Variants in CRTC2 observed in about 807,000 individuals in gnomAD.
The protein encoded by CRTC2 is CREB regulated transcription coactivator 2.
In CRTC2, 25 loss-of-function variants were observed where a neutral mutation model predicts 70.9. The observed-to-expected ratio is 0.35, with a 90% confidence interval of 0.26 to 0.49. The LOEUF (loss-of-function observed/expected upper bound fraction) is 0.49, where lower values mean the gene tolerates loss of function less well. Among genes scored for constraint, CRTC2 ranks in the 20% least tolerant of loss-of-function variants. CRTC2 has a pLI of 0.98. For missense variants in CRTC2, 737 were observed against 882.6 expected, an observed-to-expected ratio of 0.83 and a Z score of 2.09; for synonymous variants, 330 against 364.1, an observed-to-expected ratio of 0.91 and a Z score of 1.07.
rs778354654 is a variant in CRTC2, at chr1:153,958,548, CGCCGCGGCCTCG to C, written c.-63_-52del. 59 of 1,507,186 alleles carry C rather than the reference CGCCGCGGCCTCG, an allele frequency of 3.9e-5. No homozygotes were observed. The highest frequency in any genetic ancestry group is 2.5e-4 in the Admixed American group (12 of 47,598). 93.4% of individuals were successfully genotyped at this position (1,507,186 alleles called of 1,614,324 possible). Reference sequence around the variant, plus strand: ...CCCTCCCAGTACCAGCCGCGGCCTCCGCCGCGGCCTCGGCCCGGCTCCTCCAGCCGTAGCCAC... The same window carrying C: ...CCCTCCCAGTACCAGCCGCGGCCTCCGCCCGGCTCCTCCAGCCGTAGCCAC... On this transcript the variant is annotated 5_prime_UTR_variant, in exon 1 of 14. Transcript: ENST00000368633.
intron 1 of CRTC2, among the ~76,000 whole-genome samples, chr1:153,957,791 A>G (rs1020866718): frequency 3.3e-5 from 5 of 152,200 alleles, no homozygotes; most frequent in Admixed American, 3.3e-4. Flanking sequence ...AACCACAAGA[A>G]GTATTTGAAA....
Position 153,948,017 on chromosome 1 carries a change from CAG to C in CRTC2, c.*90_*91del. 8.3e-7 allele frequency: 1 copy of C among 1,204,470 alleles called. No individual in the cohort carries two copies. The highest frequency in any genetic ancestry group is 1.3e-5 in the South Asian group (1 of 78,182). 74.6% of individuals were successfully genotyped at this position (1,204,470 alleles called of 1,614,324 possible). On this transcript the variant is annotated 3_prime_UTR_variant, in exon 14 of 14. Coordinates refer to ENST00000368633, the MANE Select transcript of CRTC2 (RefSeq NM_181715.3). ...TCATGCTAGAAAGAGGATCTGGGGA[CAG>C]AGAGTAGAGTCTCTACCTGCCAGGG... is the stretch of plus-strand genomic sequence containing the variant.
Position 153,954,275 on chromosome 1 carries a change from G to A in CRTC2, c.414C>T (p.Pro138=), listed in dbSNP as rs760873456. The A allele has an allele frequency of 2.5e-6, 4 of 1,612,708 alleles. No individual in the cohort carries two copies. The Admixed American group carries it at 6.7e-5, about 27-fold the overall frequency. Residue 138 remains proline, a synonymous_variant, in exon 4 of 14, where the codon CCC becomes CCT. Coordinates refer to ENST00000368633, the MANE Select transcript of CRTC2 (RefSeq NM_181715.3). ...SPYSPAYLSP[P]PESSWRRTMA... is the part of the protein sequence containing the mutation. ...CTTACCTTCGCCAGCTAGACTCTGG[G>A]GGAGGAGATAAGTAGGCAGGACTAT...
chr1:153,953,461 A>T, intron 5 of CRTC2, 77 bp downstream of exon 5: 1 of 1,530,878 alleles, frequency 6.5e-7, no homozygotes, highest in South Asian at 1.1e-5. Flanking sequence ...CTGGTCTGGA[A>T]CAGGGTGGGG....
intron 4 of CRTC2, 137 bp downstream of exon 4, chr1:153,954,118 T>C (rs896789903): frequency 4.3e-6 from 3 of 700,022 alleles, no homozygotes; most frequent in Non-Finnish European, 7.7e-6. Context: ...TCTCCACCTC[T>C]CTCAGCCCTG....
rs764421849 is a variant in CRTC2 at position 153,952,148 on chromosome 1, G to T, written c.867C>A (p.Thr289=). 1.9e-6 allele frequency: 3 copies of T among 1,614,102 alleles called. No homozygotes were observed. Among genetic ancestry groups the T allele is most frequent in the South Asian group, 1.1e-5 (1 of 91,084 alleles). Residue 289 remains threonine, a synonymous_variant, in exon 10 of 14, where the codon ACC becomes ACA. Transcript: ENST00000368633. ...TNLHFPPPLP[T]PLDPEETAYP... ...AGGCTGTCTCTTCAGGGTCCAGGGG[G>T]GTGGGCAGTGGTGGGGGAAAGTGCA...
At position 153,947,852 on chromosome 1, in the gene CRTC2, G is replaced by GCT. The variant is rs1234803335; in HGVS notation, c.*255_*256dup. 2 of 533,570 alleles carry GCT rather than the reference G, an allele frequency of 3.7e-6. No individual in the cohort carries two copies. The highest frequency in any genetic ancestry group is 3.8e-5 in the African/African-American group (2 of 52,436). 33.1% of individuals were successfully genotyped at this position (533,570 alleles called of 1,614,324 possible). On this transcript the variant is annotated 3_prime_UTR_variant, in exon 14 of 14. Transcript: ENST00000368633. ...CCCCTCTACCCCTGCTTTCCAACAG[G>GCT]CTCTGACCTCCAGACAGACGGTTCA... is the stretch of plus-strand genomic sequence containing the variant.
At chr1:153,954,350 G>C in intron 3 of CRTC2, 34 bp from the exon 4 acceptor site, 1 of 1,513,576 alleles carries the variant, frequency 6.6e-7, no homozygotes, top group East Asian at 2.3e-5. Context: ...AAAGTAGAGA[G>C]GACAGATGAG....
chr1:153,952,823 C>T lies in CRTC2; in HGVS notation c.619G>A (p.Gly207Ser). ...LPSRRGGILD[G>S]EMDPKVPAIE... ...CACATACCTTTGGGGTCCATTTCAC[C>T]ATCCAGAATACCTGCAAGGGATACA... Residue 207 changes from glycine to serine, a missense_variant, in exon 7 of 14, where the codon GGT (glycine) becomes AGT (serine). Transcript: ENST00000368633. 6.2e-7 allele frequency: 1 copy of T among 1,614,220 alleles called. No homozygotes were observed. The highest frequency in any genetic ancestry group is 8.5e-7 in the Non-Finnish European group (1 of 1,180,038).
intron 10 of CRTC2, 161 bp from the exon 11 acceptor site, chr1:153,951,827 CTCT>C (rs1437774013): frequency 3.7e-6 from 4 of 1,067,120 alleles, no homozygotes; most frequent in Non-Finnish European, 2.7e-6. Flanking sequence ...ACTGCCCTTC[CTCT>C]TCTTTCTAGG....
rs1263051067 is a variant in CRTC2, at chr1:153,952,627, T to C, written c.646A>G (p.Ile216Val). ...DGEMDPKVPAIEENLLDDKHL... is the reference protein window; with the variant it reads ...DGEMDPKVPAVEENLLDDKHL... ...TTGTCATCTAGCAAGTTCTCCTCAA[T>C]AGCAGGTACTTGAAAGAGAAAGACT... Residue 216 changes from isoleucine (I) to valine (V), a missense_variant, in exon 8 of 14, where the codon ATT becomes GTT. Ile to Val is a conservative substitution (Grantham distance 29, BLOSUM62 3). Transcript: ENST00000368633. The C allele has an allele frequency of 8.7e-6, 14 of 1,614,142 alleles. No individual in the cohort carries two copies. Among genetic ancestry groups the C allele is most frequent in the African/African-American group, 1.3e-5 (1 of 75,026 alleles).
chr1:153,955,235 C>T (rs1305384351), intron 1 of CRTC2, 69 bp from the exon 2 acceptor site: 2 of 1,173,360 alleles, frequency 1.7e-6, no homozygotes, highest in Non-Finnish European at 2.5e-6. Flanking sequence ...CCATCCTTGC[C>T]ATCTCTGTCA....
rs143017611 is a variant in CRTC2, at chr1:153,949,187, C to T, written c.1602G>A (p.Pro534=). Reference sequence around the variant, plus strand: ...CATGCCCACTGGGCCCAGGTGGGTACGGTGTCCCATAATGAGACTGCCTGC... The same window carrying T: ...CATGCCCACTGGGCCCAGGTGGGTATGGTGTCCCATAATGAGACTGCCTGC... ...PPGRQSHYGT[P]YPPGPSGHGQ... is the part of the protein sequence containing the mutation. Residue 534 remains proline (P), a synonymous_variant, in exon 12 of 14, where the codon CCG becomes CCA. Coordinates refer to ENST00000368633, the MANE Select transcript of CRTC2 (RefSeq NM_181715.3). The T allele has an allele frequency of 9.2e-5, 149 of 1,613,954 alleles. 1 individual carries two copies. In the South Asian group the frequency reaches 1.3e-3, roughly 14 times the overall value.
chr1:153,957,396 C>T (rs1276604829), intron 1 of CRTC2, among the ~76,000 whole-genome samples: 2 of 152,150 alleles, frequency 1.3e-5, no homozygotes, highest in African/African-American at 4.8e-5. Context: ...AATATCCTTA[C>T]CTACTGTTGT....
Position 153,948,530 on chromosome 1 carries a change from G to C in CRTC2, c.1789C>G (p.Pro597Ala). 6.2e-7 allele frequency: 1 copy of C among 1,612,876 alleles called. No homozygotes were observed. The highest frequency in any genetic ancestry group is 8.5e-7 in the Non-Finnish European group (1 of 1,179,430). The part of the protein sequence containing the change: ...GEGPMGGPQD[P>A]HTFNHQNLTH... ...AAGTTCTGGTGGTTGAAGGTGTGGG[G>C]ATCCTGGGGGCCACCCATTGGCCCC... The change falls in exon 13 of 14, where the codon CCC becomes GCC. Residue 597 changes from proline (P) to alanine (A), a missense_variant. Physicochemically the swap from Pro to Ala is conservative, Grantham distance 27. Transcript: ENST00000368633.
At chr1:153,954,816 CT>C in intron 3 of CRTC2, 56 bp downstream of exon 3, 1 of 1,473,526 alleles carries the variant, frequency 6.8e-7, no homozygotes, top group Non-Finnish European at 9.5e-7. Context: ...CTATGAGTCC[CT>C]GAGGAACCCC....
chr1:153,954,385 T>C, intron 3 of CRTC2, 69 bp from the exon 4 acceptor site: 1 of 1,062,554 alleles, frequency 9.4e-7, no homozygotes, highest in Non-Finnish European at 1.4e-6. Context: ...GAAAGAACAA[T>C]GAAGGCAGCA....
chr1:153,958,414 C>T lies in CRTC2; in HGVS notation c.84G>A (p.Leu28=). 2 of 1,613,472 alleles carry T rather than the reference C, an allele frequency of 1.2e-6. No individual in the cohort carries two copies. Among genetic ancestry groups the T allele is most frequent in the South Asian group, 1.1e-5 (1 of 91,078 alleles). Residue 28 remains leucine (L), a synonymous_variant, in exon 1 of 14, where the codon CTG becomes CTA. Coordinates refer to ENST00000368633, the MANE Select transcript of CRTC2 (RefSeq NM_181715.3). ...NPRKFSEKIA[L]QKQRQAEETA... ...TCTCCTCGGCCTGACGCTGCTTCTG[C>T]AGCGCAATCTTCTCACTAAATTTGC... is the stretch of plus-strand genomic sequence containing the variant.
rs141962023 is a variant in CRTC2, at chr1:153,948,277, C to T, written c.1914G>A (p.Val638=). 431 of 1,614,266 alleles carry T rather than the reference C, an allele frequency of 2.7e-4. No individual in the cohort carries two copies. The African/African-American group carries it at 5.2e-3, about 20-fold the overall frequency. Residue 638 remains valine, a synonymous_variant, in exon 14 of 14, where the codon GTG becomes GTA. Coordinates refer to ENST00000368633, the MANE Select transcript of CRTC2 (RefSeq NM_181715.3). The part of the protein sequence containing the change: ...SKEIAAALAG[V]PGFEVSAAGL... ...CAGCTGCTGACACCTCAAAGCCAGG[C>T]ACTCCGGCCAGGGCTGCTGCAATCT... is the stretch of plus-strand genomic sequence containing the variant.
Sources: gnomAD v4.1 joint callset for allele counts (sites outside exome capture counted in the v4.1 genomes callset) on GRCh38, gnomAD v4.1.1 for gene constraint, MANE v1.5 for transcripts, NCBI Gene and HGNC (gene_info 2026-07-23, HGNC 2026-07-21) for gene names.